CNTNAP2: variants seen among roughly 807,000 people sequenced by gnomAD.
The protein encoded by CNTNAP2 is contactin-associated protein-like 2.
Under a neutral mutation model 155.2 loss-of-function variants are expected in CNTNAP2, and 98 were observed. The observed-to-expected ratio is 0.63, with a 90% CI of 0.54 to 0.75. CNTNAP2 has a LOEUF of 0.75. Among genes scored for constraint, CNTNAP2 ranks in the 30% least tolerant of loss-of-function variants. CNTNAP2 has a pLI of 0.00. For missense variants in CNTNAP2, 1,727 were observed against 1,688.1 expected (o/e 1.02, Z -0.40); for synonymous variants, 651 against 631.2 (o/e 1.03, Z -0.47).
At chr7:147,470,077 C>A (rs1425960217) in intron 10 of CNTNAP2, among the ~76,000 whole-genome samples, 4 of 151,958 alleles carry the variant, frequency 2.6e-5, no homozygotes, top group African/African-American at 7.3e-5. Context: ...TAATTTAGGG[C>A]TCCATAGACC....
rs1445023436 is a variant in CNTNAP2, at chr7:147,294,284, T to C, written c.1349-5857T>C. ...TTATGTGTTTTTCAGATTACATACA[T>C]AAATCATTTAGAAAGTTCATTTTTT... is the stretch of plus-strand genomic sequence containing the variant. On this transcript the variant is annotated intron_variant, in intron 8 of 23. Coordinates refer to ENST00000361727, the MANE Select transcript of CNTNAP2 (RefSeq NM_014141.6). 7.9e-5 allele frequency among the ~76,000 whole-genome samples: 12 copies of C among 152,354 alleles called. No homozygotes were observed. In the East Asian group the frequency reaches 1.9e-3, roughly 24 times the overall value.
chr7:147,599,249 G>A (rs1285244565), intron 12 of CNTNAP2, among the ~76,000 whole-genome samples: 1 of 151,482 alleles, frequency 6.6e-6, no homozygotes, highest in South Asian at 2.1e-4. Flanking sequence ...GGCCAAGGTG[G>A]GTCAATCCTC....
chr7:147,801,761 C>T (rs1374496667), intron 13 of CNTNAP2, among the ~76,000 whole-genome samples: 3 of 152,222 alleles, frequency 2.0e-5, no homozygotes, highest in Non-Finnish European at 4.4e-5. Flanking sequence ...ATTTCTCAAT[C>T]TTTTCCCCAC....
intron 3 of CNTNAP2, among the ~76,000 whole-genome samples, chr7:146,910,419 A>G (rs1459562243): frequency 3.4e-5 from 5 of 149,054 alleles, no homozygotes; most frequent in Non-Finnish European, 7.4e-5. Context: ...ACAAGGCTAC[A>G]GTAACCAAAA....
chr7:148,216,415 C>T (rs1025271093), intron 18 of CNTNAP2, among the ~76,000 whole-genome samples: 1 of 152,148 alleles, frequency 6.6e-6, no homozygotes, highest in Non-Finnish European at 1.5e-5. Context: ...AATTTGAACC[C>T]AGTTCTCTCT....
At chr7:147,834,477 T>C (rs181723750) in intron 13 of CNTNAP2, among the ~76,000 whole-genome samples, 1 of 152,328 alleles carries the variant, frequency 6.6e-6, no homozygotes, top group East Asian at 1.9e-4. Context: ...TCTACTAGAA[T>C]TCAACTTTTT....
intron 12 of CNTNAP2, among the ~76,000 whole-genome samples, chr7:147,635,985 T>C (rs10275470): frequency 0.09 from 13,677 of 152,166 alleles, 1,710 homozygotes; most frequent in African/African-American, 0.26. Flanking sequence ...TCAAAACCAA[T>C]CTAATTTAAT....
rs115542900 is a variant in CNTNAP2, at chr7:147,524,551, T to C, written c.1778-37587T>C. 5.1e-3 allele frequency among the ~76,000 whole-genome samples: 778 copies of C among 152,326 alleles called. 8 individuals are homozygous for C. Among genetic ancestry groups the C allele is most frequent in the African/African-American group, 0.018 (739 of 41,578 alleles). ...CTGGATTTTGCACTGTGACAAGAAC[T>C]GACTTAGAGGAGCGTGGCTGTCTTC... On this transcript the variant is annotated intron_variant, in intron 11 of 23. Transcript: ENST00000361727.
intron 10 of CNTNAP2, among the ~76,000 whole-genome samples, chr7:147,435,813 A>G (rs73475134): frequency 0.021 from 3,155 of 152,326 alleles, 117 homozygotes; most frequent in African/African-American, 0.072. Context: ...TAGGAATAAT[A>G]GCACCTATTG....
intron 17 of CNTNAP2, among the ~76,000 whole-genome samples, chr7:148,167,883 C>T (rs575797807): frequency 2.0e-5 from 3 of 152,174 alleles, no homozygotes; most frequent in Admixed American, 2.0e-4. Flanking sequence ...AAAACTCCGC[C>T]CCACTAAATC....
intron 9 of CNTNAP2, among the ~76,000 whole-genome samples, chr7:147,377,308 C>A (rs778196574): frequency 6.6e-6 from 1 of 151,632 alleles, no homozygotes; most frequent in Non-Finnish European, 1.5e-5. Flanking sequence ...TGAACATAAT[C>A]CTAATCACAG....
chr7:146,720,965 G>GTC (rs1295457540), intron 1 of CNTNAP2, among the ~76,000 whole-genome samples: 7,313 of 109,858 alleles, frequency 0.067, 649 homozygotes, highest in African/African-American at 0.24. Flanking sequence ...TATATATACA[G>GTC]TATATATATA....
At chr7:147,178,100 G>A (rs184094914) in intron 8 of CNTNAP2, among the ~76,000 whole-genome samples, 42 of 152,238 alleles carry the variant, frequency 2.8e-4, no homozygotes, top group Non-Finnish European at 5.3e-4. Flanking sequence ...ACCTGTGAAT[G>A]TGTTGCCTTA....
intron 3 of CNTNAP2, among the ~76,000 whole-genome samples, chr7:146,856,258 A>C (rs2129204148): frequency 9.7e-6 from 1 of 102,868 alleles, no homozygotes; most frequent in African/African-American, 4.0e-5. Flanking sequence ...GATAGATGAT[A>C]GATATAGATA....
At chr7:146,635,193 A>G (rs1454116727) in intron 1 of CNTNAP2, among the ~76,000 whole-genome samples, 1 of 152,174 alleles carries the variant, frequency 6.6e-6, no homozygotes, top group Admixed American at 6.5e-5. Context: ...AAATACCTGG[A>G]TGTGCTATAC....
chr7:147,985,150 C>A (rs1046882403), intron 15 of CNTNAP2, among the ~76,000 whole-genome samples: 3 of 125,018 alleles, frequency 2.4e-5, no homozygotes, highest in East Asian at 4.3e-4. Flanking sequence ...AAATAAATAA[C>A]TATTTACAAG....
At chr7:147,341,436 A>AT (rs111606568) in intron 9 of CNTNAP2, among the ~76,000 whole-genome samples, 119,346 of 151,350 alleles carry the variant, frequency 0.79, 47,662 homozygotes, top group African/African-American at 0.92. Context: ...TTAAAGTATA[A>AT]AAAAAAAATT....
chr7:146,593,926 G>C (rs571047897), intron 1 of CNTNAP2, among the ~76,000 whole-genome samples: 22 of 152,052 alleles, frequency 1.4e-4, no homozygotes, highest in South Asian at 2.1e-4. Flanking sequence ...GTTTAGCCAG[G>C]TTCTCCCATG....
chr7:147,343,509 C>T (rs1795797955), intron 9 of CNTNAP2, among the ~76,000 whole-genome samples: 1 of 152,070 alleles, frequency 6.6e-6, no homozygotes, highest in Non-Finnish European at 1.5e-5. Context: ...TTGGGCACAT[C>T]CTGATACACT....
Sources: allele counts gnomAD v4.1 joint callset (sites outside exome capture counted in the v4.1 genomes callset), GRCh38; gene constraint gnomAD v4.1.1; transcripts MANE v1.5; gene names NCBI Gene and HGNC (gene_info 2026-07-23, HGNC 2026-07-21).